NLRP14: variants seen among roughly 807,000 people sequenced by gnomAD.
NLRP14 encodes NACHT, LRR and PYD domains-containing protein 14.
Under a neutral mutation model 94.7 loss-of-function variants are expected in NLRP14, and 105 were observed. That is an observed-to-expected ratio of 1.11 (90% confidence interval 0.95 to 1.30). The LOEUF is 1.30. Ranked by LOEUF, NLRP14 falls within the 50% of genes most tolerant of loss-of-function variation. The probability of loss-of-function intolerance (pLI) is 0.00; values close to 1 mark genes in which losing one functional copy is unlikely to be tolerated. For synonymous variants in NLRP14, 508 were observed against 459.9 expected (o/e 1.10, Z -1.34); for missense variants, 1,362 against 1,254.1 (o/e 1.09, Z -1.30).
At chr11:7,039,929 A>T (rs1157644303) in intron 3 of NLRP14, 144 bp downstream of exon 3, 1 of 737,492 alleles carries the variant, frequency 1.4e-6, no homozygotes, top group Non-Finnish European at 2.4e-6. Context: ...CCCAAAAAGG[A>T]TCAGCAAAAC....
intron 1 of NLRP14, among the ~76,000 whole-genome samples, chr11:7,027,448 T>G (rs1242979631): frequency 1.3e-5 from 2 of 152,000 alleles, no homozygotes; most frequent in East Asian, 3.9e-4. Context: ...TGGAACCTCT[T>G]TTATAAGGAC....
intron 9 of NLRP14, among the ~76,000 whole-genome samples, chr11:7,061,890 T>C (rs1300690342): frequency 6.6e-6 from 1 of 152,058 alleles, no homozygotes. Context: ...TGAGTGCTCT[T>C]GAATGCCATG....
intron 10 of NLRP14, among the ~76,000 whole-genome samples, chr11:7,065,763 G>C (rs1357609061): frequency 1.3e-5 from 2 of 151,854 alleles, no homozygotes; most frequent in African/African-American, 2.4e-5. Context: ...AGAATGTGCA[G>C]GTTTGTTACA....
intron 1 of NLRP14, among the ~76,000 whole-genome samples, chr11:7,021,819 C>G (rs899080407): frequency 6.6e-6 from 1 of 150,590 alleles, no homozygotes; most frequent in Non-Finnish European, 1.5e-5. Context: ...ATTTAAATAG[C>G]CGCAATTGAT....
At chr11:7,060,404 CTTAGAT>C (rs1852598704) in intron 9 of NLRP14, among the ~76,000 whole-genome samples, 1 of 151,050 alleles carries the variant, frequency 6.6e-6, no homozygotes, top group South Asian at 2.1e-4. Flanking sequence ...TAGTTTTTCT[CTTAGAT>C]TTATATTTAA....
At chr11:7,051,981 G>T (rs150548075) in intron 6 of NLRP14, among the ~76,000 whole-genome samples, 1 of 152,278 alleles carries the variant, frequency 6.6e-6, no homozygotes, top group African/African-American at 2.4e-5. Context: ...CCTCCCTCAA[G>T]AAGAGGAGAA....
In NLRP14 at chr11:7,038,574, A is replaced by G; in HGVS notation, c.-13A>G. ...TTTTTTTCCCCCCACAGAGGCCTGA[A>G]TATTTGGACAAGATGGCAGATTCAT... On this transcript the variant is annotated 5_prime_UTR_variant, in exon 2 of 12. Transcript: ENST00000299481. 1 of 1,613,042 alleles carries G rather than the reference A, an allele frequency of 6.2e-7. No homozygotes were observed. Among genetic ancestry groups the G allele is most frequent in the Admixed American group, 1.7e-5 (1 of 60,014 alleles).
At chr11:7,041,621 G>C (rs978044086) in intron 3 of NLRP14, among the ~76,000 whole-genome samples, 1 of 152,102 alleles carries the variant, frequency 6.6e-6, no homozygotes, top group Non-Finnish European at 1.5e-5. Context: ...AAATGTGTTA[G>C]ACACTGACCA....
intron 1 of NLRP14, among the ~76,000 whole-genome samples, chr11:7,025,719 T>C (rs1852005523): frequency 6.6e-6 from 1 of 152,096 alleles, no homozygotes; most frequent in Admixed American, 6.6e-5. Context: ...AAGGTTAATT[T>C]AAGAACTAAA....
At chr11:7,040,304 G>A (rs1287100431) in intron 3 of NLRP14, among the ~76,000 whole-genome samples, 2 of 152,180 alleles carry the variant, frequency 1.3e-5, no homozygotes, top group African/African-American at 4.8e-5. Context: ...GTAGGCCACG[G>A]GAGCTTTACC....
intron 1 of NLRP14, among the ~76,000 whole-genome samples, chr11:7,028,967 A>T (rs1271388008): frequency 6.6e-6 from 1 of 152,162 alleles, no homozygotes; most frequent in East Asian, 1.9e-4. Context: ...TAAAAATACA[A>T]ACAAAAGAGT....
chr11:7,049,672 T>C lies in NLRP14; in HGVS notation c.2125T>C (p.Leu709=), dbSNP rs754320547. 1 of 1,610,278 alleles carries C rather than the reference T, an allele frequency of 6.2e-7. No individual in the cohort carries two copies. Among genetic ancestry groups the C allele is most frequent in the South Asian group, 1.1e-5 (1 of 91,014 alleles). The change falls in exon 6 of 12, where the codon TTG becomes CTG. Residue 709 remains leucine (L), a splice_region_variant and synonymous_variant. Transcript: ENST00000299481. ...HPNCKLQKLL[L]KFITFPDGCQ... is the part of the protein sequence containing the mutation. The stretch of plus-strand genomic sequence containing the variant: ...CTCCTGCATATTTTTCTTCTGAAGG[T>C]TGAAATTTATCACTTTCCCTGATGG...
intron 10 of NLRP14, among the ~76,000 whole-genome samples, chr11:7,062,864 A>G (rs997243222): frequency 6.6e-6 from 1 of 152,072 alleles, no homozygotes. Context: ...GTAAAATACT[A>G]TGTTCTTAAG....
chr11:7,081,225 G>A, the NLRP14 span, among the ~76,000 whole-genome samples: 149 of 152,126 alleles, frequency 9.8e-4, no homozygotes, highest in Non-Finnish European at 1.8e-3. Context: ...TTAGAATTAG[G>A]GCCTTGTCCC....
chr11:7,048,066 A>G (rs1012419438), intron 5 of NLRP14, among the ~76,000 whole-genome samples: 1 of 152,068 alleles, frequency 6.6e-6, no homozygotes. Context: ...GGCTATATCC[A>G]TCTTCTTGTG....
Position 7,060,040 on chromosome 11 carries a change from C to T in NLRP14, c.2780C>T (p.Pro927Leu). The change falls in exon 9 of 12, where the codon CCA becomes CTA. Residue 927 changes from proline (P) to leucine (L), a missense_variant. Transcript: ENST00000299481. ...CTTCTGTGTGATGTCTTTCGGCATC[C>T]AAGCTGTAATCTTCAGGACTTGGAG... ...VKLLCDVFRH[P>L]SCNLQDLELM... 6.2e-7 allele frequency: 1 copy of T among 1,612,656 alleles called. No homozygotes were observed. Among genetic ancestry groups the T allele is most frequent in the Non-Finnish European group, 8.5e-7 (1 of 1,178,922 alleles).
intron 10 of NLRP14, among the ~76,000 whole-genome samples, chr11:7,068,925 A>G (rs1852748751): frequency 1.3e-5 from 2 of 152,170 alleles, no homozygotes; most frequent in Non-Finnish European, 2.9e-5. Context: ...AAGTGCTGGT[A>G]TTACAGGTGC....
chr11:7,077,956 G>A, the NLRP14 span, among the ~76,000 whole-genome samples: 94,747 of 151,922 alleles, frequency 0.62, 29,856 homozygotes, highest in East Asian at 0.78. Context: ...GGTGGGGTGG[G>A]GGGGACCCTG....
At chr11:7,051,298 G>A (rs534516885) in intron 6 of NLRP14, among the ~76,000 whole-genome samples, 11 of 152,324 alleles carry the variant, frequency 7.2e-5, no homozygotes, top group East Asian at 1.9e-4. Flanking sequence ...TTAACATTTC[G>A]TGTGGGAGAA....
Sources: gnomAD v4.1 joint callset for allele counts (sites outside exome capture counted in the v4.1 genomes callset) on GRCh38, gnomAD v4.1.1 for gene constraint, MANE v1.5 for transcripts, NCBI Gene and HGNC (gene_info 2026-07-23, HGNC 2026-07-21) for gene names.